Variants in RSPH14 observed in about 807,000 individuals in gnomAD.
The protein encoded by RSPH14 is rhabdoid tumor deletion region gene 1.
A neutral mutation model predicts 26.7 loss-of-function variants in RSPH14; 20 were observed. That is an observed-to-expected ratio of 0.75 (90% confidence interval 0.53 to 1.09). The LOEUF (loss-of-function observed/expected upper bound fraction) is 1.09, where lower values mean the gene tolerates loss of function less well. Ranked by LOEUF, RSPH14 falls within the 50% of genes least tolerant of loss-of-function variation. RSPH14 has a pLI of 0.00. For synonymous variants in RSPH14, 177 were observed against 189.3 expected (o/e 0.93, Z 0.53); for missense variants, 449 against 457.2 (o/e 0.98, Z 0.16).
the RSPH14 span, chr22:23,162,690 A>G: frequency 1.8e-5 from 8 of 456,144 alleles, no homozygotes; most frequent in Admixed American, 9.4e-5. Flanking sequence ...TCACCTGGCT[A>G]TGCCCACTCA....
At chr22:23,120,297 G>A (rs747537344) in intron 4 of RSPH14, among the ~76,000 whole-genome samples, 5 of 151,888 alleles carry the variant, frequency 3.3e-5, no homozygotes, top group Non-Finnish European at 5.9e-5. Flanking sequence ...CAGGACTCAC[G>A]GGGGCCACAG....
the RSPH14 span, among the ~76,000 whole-genome samples, chr22:23,169,474 G>A: frequency 1.3e-5 from 2 of 152,234 alleles, no homozygotes; most frequent in African/African-American, 4.8e-5. Flanking sequence ...AAAAGCTCAC[G>A]CAGGCTTTTA....
the RSPH14 span, among the ~76,000 whole-genome samples, chr22:23,154,805 C>T: frequency 2.0e-5 from 3 of 152,214 alleles, no homozygotes; most frequent in South Asian, 2.1e-4. Flanking sequence ...GCCCAAACTT[C>T]TGTGTCATAC....
intron 4 of RSPH14, among the ~76,000 whole-genome samples, chr22:23,119,072 T>C (rs1405553381): frequency 6.6e-6 from 1 of 152,240 alleles, no homozygotes; most frequent in Non-Finnish European, 1.5e-5. Flanking sequence ...CCCATATGCA[T>C]GCTTGAGTCA....
the RSPH14 span, among the ~76,000 whole-genome samples, chr22:23,157,725 A>C: frequency 6.6e-6 from 1 of 152,188 alleles, no homozygotes. Context: ...TCTGACGCTA[A>C]AGCCCATGCG....
intron 4 of RSPH14, among the ~76,000 whole-genome samples, chr22:23,072,689 G>T (rs1289651644): frequency 6.6e-6 from 1 of 152,256 alleles, no homozygotes; most frequent in East Asian, 1.9e-4. Context: ...AGGGTGAGCT[G>T]CTGTGCTCTG....
chr22:23,143,871 A>T (rs1022449005), upstream of RSPH14, among the ~76,000 whole-genome samples: 1 of 152,208 alleles, frequency 6.6e-6, no homozygotes, highest in African/African-American at 2.4e-5. Flanking sequence ...CCGGCGGATC[A>T]CATGAGGCCA....
chr22:23,097,433 A>C (rs1320695809), intron 4 of RSPH14, among the ~76,000 whole-genome samples: 2 of 152,180 alleles, frequency 1.3e-5, no homozygotes, highest in Admixed American at 1.3e-4. Context: ...TAGGAGCCTG[A>C]GTGTTCTGAG....
intron 4 of RSPH14, among the ~76,000 whole-genome samples, chr22:23,103,129 G>T (rs2069352316): frequency 6.6e-6 from 1 of 152,200 alleles, no homozygotes; most frequent in Non-Finnish European, 1.5e-5. Context: ...GGGCAGTGAG[G>T]GGCTAGAGCT....
At chr22:23,138,612 C>T (rs549608854) in intron 3 of RSPH14, among the ~76,000 whole-genome samples, 15 of 152,058 alleles carry the variant, frequency 9.9e-5, no homozygotes, top group African/African-American at 3.6e-4. Flanking sequence ...GAGCTTGGAA[C>T]TAACATAAAA....
intron 4 of RSPH14, among the ~76,000 whole-genome samples, chr22:23,121,740 G>C (rs1232620130): frequency 1.3e-5 from 1 of 74,346 alleles, no homozygotes; most frequent in South Asian, 4.6e-4. Flanking sequence ...TTTTTTTTTT[G>C]AGACAGAGTC....
chr22:23,130,780 A>C (rs1259683322), intron 4 of RSPH14, among the ~76,000 whole-genome samples: 1 of 152,256 alleles, frequency 6.6e-6, no homozygotes, highest in Admixed American at 6.5e-5. Flanking sequence ...GGTGTCAGGC[A>C]GAGGGAAGAT....
chr22:23,107,440 G>A (rs1420745983), intron 4 of RSPH14, among the ~76,000 whole-genome samples: 2 of 152,170 alleles, frequency 1.3e-5, no homozygotes, highest in Admixed American at 6.5e-5. Context: ...GGGAAAAGTC[G>A]AGGGCCTCAT....
intron 4 of RSPH14, among the ~76,000 whole-genome samples, chr22:23,126,476 C>T (rs2070184546): frequency 6.6e-6 from 1 of 152,234 alleles, no homozygotes; most frequent in Admixed American, 6.5e-5. Flanking sequence ...TGGGCAGCTT[C>T]TTGGAAGTCT....
chr22:23,145,122 C>A (rs1473032476), upstream of RSPH14: 2 of 576,876 alleles, frequency 3.5e-6, no homozygotes, highest in Non-Finnish European at 6.2e-6. Flanking sequence ...AATACCACAT[C>A]AGGAGCTCTT....
intron 4 of RSPH14, among the ~76,000 whole-genome samples, chr22:23,118,358 T>C (rs2069910634): frequency 6.6e-6 from 1 of 152,218 alleles, no homozygotes; most frequent in Admixed American, 6.5e-5. Context: ...CCCAGCCTCC[T>C]AGAAGGCGCC....
At chr22:23,110,169 T>A (rs2069605721) in intron 4 of RSPH14, among the ~76,000 whole-genome samples, 1 of 152,180 alleles carries the variant, frequency 6.6e-6, no homozygotes, top group Admixed American at 6.5e-5. Context: ...GGTGCTTTCC[T>A]TGGGGCAAGG....
the RSPH14 span, among the ~76,000 whole-genome samples, chr22:23,174,116 G>A: frequency 6.6e-6 from 1 of 152,150 alleles, no homozygotes; most frequent in Non-Finnish European, 1.5e-5. Flanking sequence ...TTGGGTCCCA[G>A]CCTGTTCTTC....
intron 4 of RSPH14, among the ~76,000 whole-genome samples, chr22:23,084,041 G>A (rs2068749236): frequency 6.6e-6 from 1 of 152,180 alleles, no homozygotes; most frequent in South Asian, 2.1e-4. Flanking sequence ...TAACAAGGAG[G>A]GAGGGGTGAG....
Sources: allele counts gnomAD v4.1 joint callset (sites outside exome capture counted in the v4.1 genomes callset), GRCh38; gene constraint gnomAD v4.1.1; transcripts MANE v1.5; gene names NCBI Gene and HGNC (gene_info 2026-07-23, HGNC 2026-07-21).